ARAP1: variants seen among roughly 807,000 people sequenced by gnomAD.
ARAP1 encodes arf-GAP with Rho-GAP domain, ANK repeat and PH domain-containing protein 1.
ARAP1 carries 76 observed loss-of-function variants against 172.2 expected under a neutral mutation model. That is an observed-to-expected ratio of 0.44 (90% CI 0.37 to 0.53). ARAP1 has a LOEUF of 0.53. Among genes scored for constraint, ARAP1 ranks in the 20% least tolerant of loss-of-function variants. The pLI is 0.00. For missense variants in ARAP1, 1,686 were observed against 1,977.5 expected, an observed-to-expected ratio of 0.85 and a Z score of 2.80; for synonymous variants, 804 against 803.3, an observed-to-expected ratio of 1.00 and a Z score of -0.01.
At chr11:72,748,693 T>C (rs1442798037) in intron 1 of ARAP1, among the ~76,000 whole-genome samples, 1 of 152,182 alleles carries the variant, frequency 6.6e-6, no homozygotes, top group Non-Finnish European at 1.5e-5. Context: ...AGGAAGACCA[T>C]GTGGAACACA....
At position 72,711,110 on chromosome 11, in the gene ARAP1, G is replaced by A. The variant is rs147276782; in HGVS notation, c.1124C>T (p.Ala375Val). The A allele has an allele frequency of 2.2e-4, 362 of 1,614,222 alleles. No individual in the cohort carries two copies. The African/African-American group carries it at 4.3e-3, about 19-fold the overall frequency. ...GATGGCAGCCACGTGGGAGATGCAG[G>A]CCACAGAGATAAAGCGCTTAGAGTA... ...DAYSKRFISV[A>V]CISHVAAIGD... is the part of the protein sequence containing the mutation. Residue 375 changes from alanine (A) to valine (V), a missense_variant, in exon 9 of 35, where the codon GCC becomes GTC. This residue lies in a region of ARAP1 where 688 missense variants were observed against 856.9 expected (regional missense o/e 0.80). Transcript: ENST00000393609.
Position 72,719,152 on chromosome 11 carries a change from C to A in ARAP1, c.510-4831G>T, listed in dbSNP as rs143429404. Among the ~76,000 whole-genome samples the A allele has an allele frequency of 1.5e-3, 224 of 152,272 alleles. 5 individuals carry two copies. The East Asian group carries it at 0.04, about 27-fold the overall frequency. On this transcript the variant is annotated intron_variant, in intron 3 of 34. Coordinates refer to ENST00000393609, the MANE Select transcript of ARAP1 (RefSeq NM_001040118.3). ...CCACAGCCGAGCAAACAAGGCCATG[C>A]CAGGGTCCCAGGGCTTCTCTGAGGC...
At chr11:72,702,204 G>T (rs561153996) in intron 15 of ARAP1, among the ~76,000 whole-genome samples, 1 of 152,328 alleles carries the variant, frequency 6.6e-6, no homozygotes, top group South Asian at 2.1e-4. Context: ...GGTCAGCGCC[G>T]TGGGGGGGCG....
At chr11:72,707,598 C>T (rs1419318363) in intron 11 of ARAP1, among the ~76,000 whole-genome samples, 1 of 152,130 alleles carries the variant, frequency 6.6e-6, no homozygotes, top group African/African-American at 2.4e-5. Context: ...CTCTGCCCAG[C>T]CCGCAGAATG....
chr11:72,710,862 GGT>G lies in ARAP1; in HGVS notation c.1213+157_1213+158del, dbSNP rs990340561. 1.3e-5 allele frequency among the ~76,000 whole-genome samples: 2 copies of G among 152,194 alleles called. No homozygotes were observed. The highest frequency in any genetic ancestry group is 1.3e-4 in the Admixed American group (2 of 15,276). On this transcript the variant is annotated intron_variant, in intron 9 of 34. Transcript: ENST00000393609. The surrounding 1 kb of genome is among the most constrained non-coding windows in gnomAD (Gnocchi z 4.3). ...GCCAAGCACAGAGCCGGTCACAGAG[GGT>G]GCCCCCTTCCTCTGCCCACCTCACA...
At chr11:72,729,957 A>G (rs1172207736) in intron 2 of ARAP1, among the ~76,000 whole-genome samples, 1 of 152,114 alleles carries the variant, frequency 6.6e-6, no homozygotes, top group Non-Finnish European at 1.5e-5. Flanking sequence ...TCAGAGAGGC[A>G]AAAGCCTTCT....
intron 34 of ARAP1, 165 bp downstream of exon 34, chr11:72,685,877 A>G: frequency 7.1e-7 from 1 of 1,402,072 alleles, no homozygotes; most frequent in East Asian, 2.3e-5. Context: ...GCTCCTTTGA[A>G]TGGTGTGAAC....
chr11:72,701,630 A>G lies in ARAP1; in HGVS notation c.2302+19T>C, dbSNP rs11235574. 855,091 of 1,608,108 alleles carry G rather than the reference A, an allele frequency of 0.53. 228,821 individuals carry two copies. The highest frequency in any genetic ancestry group is 0.55 in the Non-Finnish European group (647,209 of 1,177,684). On this transcript the variant is annotated intron_variant, in intron 16 of 34. Transcript: ENST00000393609. ...GACCAGATGCCATGGGCTAAAGCAG[A>G]GTCTGGGGTGGCACCCACCTTCCCG...
At position 72,704,192 on chromosome 11, in the gene ARAP1, C is replaced by T. The variant is rs201068078; in HGVS notation, c.1952G>A (p.Arg651His). 86 of 1,614,048 alleles carry T rather than the reference C, an allele frequency of 5.3e-5. No homozygotes were observed. The Admixed American group carries it at 8.0e-4, about 15-fold the overall frequency. Residue 651 changes from arginine to histidine, a missense_variant, in exon 14 of 35, where the codon CGC (arginine) becomes CAC (histidine). This residue lies in a region of ARAP1 where 688 missense variants were observed against 856.9 expected (regional missense o/e 0.80). Coordinates refer to ENST00000393609, the MANE Select transcript of ARAP1 (RefSeq NM_001040118.3). ...CTGGTTGCCAAAGAGCGGGTGGTAG[C>T]GGCGGTACTTGCCCTCACGGTACTT... ...EAKYREGKYRRYHPLFGNQEE... is the reference protein window; with the variant it reads ...EAKYREGKYRHYHPLFGNQEE...
rs1856953435 is a variant in ARAP1, at chr11:72,710,243, G to C, written c.1416+142C>G. 1 of 1,079,924 alleles carries C rather than the reference G, an allele frequency of 9.3e-7. No individual in the cohort carries two copies. Among genetic ancestry groups the C allele is most frequent in the African/African-American group, 1.6e-5 (1 of 64,116 alleles). The allele number at this position is 1,079,924 out of a possible 1,614,324, so 66.9% of individuals were successfully genotyped here. A position where few individuals can be genotyped will look rare whatever the true frequency, so the allele number is the denominator to read the frequency against. ...CCTGGGGGAAGTGGTCAGAACTTGGGGGAGCGAGGACATATCCAGGCAAAG... is the reference window on the plus strand; with the variant it reads ...CCTGGGGGAAGTGGTCAGAACTTGGCGGAGCGAGGACATATCCAGGCAAAG... On this transcript the variant is annotated intron_variant, in intron 10 of 34. Coordinates refer to ENST00000393609, the MANE Select transcript of ARAP1 (RefSeq NM_001040118.3). The surrounding 1 kb of genome is among the most constrained non-coding windows in gnomAD (Gnocchi z 4.3).
In ARAP1 at chr11:72,697,191, C is replaced by T; in HGVS notation, c.2958G>A (p.Leu986=). 6.2e-7 allele frequency: 1 copy of T among 1,601,706 alleles called. No homozygotes were observed. Residue 986 remains leucine, a synonymous_variant, in exon 22 of 35, where the codon CTG becomes CTA. Transcript: ENST00000393609. ...RCVDYITQCG[L]TSEGIYRKCG... ...ACTTGCGGTAGATGCCCTCGGAGGT[C>T]AGGCCTAGGGAGGGGCGGGGCCAAG...
At chr11:72,707,480 T>A in intron 11 of ARAP1, 106 bp from the exon 12 acceptor site, 1 of 1,086,932 alleles carries the variant, frequency 9.2e-7, no homozygotes, top group Non-Finnish European at 1.3e-6. Flanking sequence ...TGGGAGCGCT[T>A]AGGCAAAAGA....
intron 2 of ARAP1, among the ~76,000 whole-genome samples, chr11:72,731,777 C>T (rs1857876297): frequency 6.6e-6 from 1 of 152,196 alleles, no homozygotes; most frequent in South Asian, 2.1e-4. Context: ...AAATCCACCT[C>T]TGAGGAGAGG....
chr11:72,692,612 G>A, intron 30 of ARAP1, 141 bp downstream of exon 30: 1 of 1,074,014 alleles, frequency 9.3e-7, no homozygotes. Flanking sequence ...CCCAGGATAG[G>A]GGCCAGTGCC....
intron 30 of ARAP1, among the ~76,000 whole-genome samples, chr11:72,690,453 A>C (rs1490742836): frequency 6.6e-6 from 1 of 152,138 alleles, no homozygotes; most frequent in African/African-American, 2.4e-5. Context: ...GTAGTGGTGC[A>C]ATCTCAGCTC....
chr11:72,725,122 A>G lies in ARAP1; in HGVS notation c.509+1498T>C, dbSNP rs1857646388. On this transcript the variant is annotated intron_variant, in intron 3 of 34. Transcript: ENST00000393609. The surrounding 1 kb of genome is among the most constrained non-coding windows in gnomAD (Gnocchi z 4.3). ...TCACAAAGCTAGCTGGGCCCGACCC[A>G]GGCATCCTGCCTCCCAAGCAGGAAC... Among the ~76,000 whole-genome samples the G allele has an allele frequency of 1.3e-5, 2 of 152,132 alleles. No individual in the cohort carries two copies. The highest frequency in any genetic ancestry group is 4.8e-5 in the African/African-American group (2 of 41,424).
chr11:72,707,485 A>C, intron 11 of ARAP1, 111 bp from the exon 12 acceptor site: 1 of 1,016,174 alleles, frequency 9.8e-7, no homozygotes, highest in East Asian at 2.7e-5. Context: ...GCGCTTAGGC[A>C]AAAGAGTGAG....
Position 72,697,486 on chromosome 11 carries a change from C to T in ARAP1, c.2790G>A (p.Arg930=). 2 of 1,612,940 alleles carry T rather than the reference C, an allele frequency of 1.2e-6. No individual in the cohort carries two copies. Among genetic ancestry groups the T allele is most frequent in the Non-Finnish European group, 1.7e-6 (2 of 1,179,312 alleles). The stretch of plus-strand genomic sequence containing the variant: ...GCCGCTCGCCCTGTATGTACAGTGT[C>T]CTGGGCCAGGGACAGTCAGTCACTG... ...NQVLVLVERR[R]TLYIQGERRL... is the part of the protein sequence containing the mutation. Residue 930 remains arginine, a splice_region_variant and synonymous_variant, in exon 21 of 35, where the codon AGG becomes AGA. Transcript: ENST00000393609.
chr11:72,686,341 G>T, intron 33 of ARAP1, 150 bp from the exon 34 acceptor site: 1 of 1,090,402 alleles, frequency 9.2e-7, no homozygotes, highest in Non-Finnish European at 1.3e-6. Context: ...AAGCAGCTGT[G>T]GGGAGAACAT....
Sources: allele counts gnomAD v4.1 joint callset (sites outside exome capture counted in the v4.1 genomes callset), GRCh38; gene constraint gnomAD v4.1.1; regional missense constraint gnomAD v4.1.1; non-coding constraint Gnocchi (gnomAD v3.1); transcripts MANE v1.5; gene names NCBI Gene and HGNC (gene_info 2026-07-23, HGNC 2026-07-21).